The following ST3GAL6 variants were observed in gnomAD, a reference collection of about 807,000 sequenced individuals.
The protein encoded by ST3GAL6 is type 2 lactosamine alpha-2,3-sialyltransferase.
Under a neutral mutation model 40.5 loss-of-function variants are expected in ST3GAL6, and 31 were observed. The ratio of observed to expected loss-of-function variants is 0.77; its 90% CI spans 0.58 to 1.03. The LOEUF is 1.03. Among genes scored for constraint, ST3GAL6 ranks in the 50% least tolerant of loss-of-function variants. The pLI is 0.00. For missense variants in ST3GAL6, 357 were observed against 393.2 expected (o/e 0.91, Z 0.78); for synonymous variants, 129 against 136.9 (o/e 0.94, Z 0.40).
chr3:98,763,809 T>C lies in ST3GAL6; in HGVS notation c.-12+370T>C, dbSNP rs1938048106. The stretch of plus-strand genomic sequence containing the variant: ...CTAGGAAAGAGAAGAATGCAGACGT[T>C]GGAAAAGTGTGGTATAGTTTAAGCA... On this transcript the variant is annotated intron_variant, in intron 1 of 9. Coordinates refer to ENST00000483910, the MANE Select transcript of ST3GAL6 (RefSeq NM_001323368.2). Among the ~76,000 whole-genome samples the C allele has an allele frequency of 3.3e-5, 5 of 150,972 alleles. No homozygotes were observed. The South Asian group carries it at 1.0e-3, about 32-fold the overall frequency.
In ST3GAL6 at chr3:98,788,180, T is replaced by G; in HGVS notation, c.576T>G (p.His192Gln). Residue 192 changes from histidine (H) to glutamine (Q), a missense_variant, in exon 7 of 10, where the codon CAT becomes CAG. By Grantham distance (24) the His-to-Gln change is conservative. Coordinates refer to ENST00000483910, the MANE Select transcript of ST3GAL6 (RefSeq NM_001323368.2). ...TTVILTAFKP[H>Q]DLRWLLELLM... ...TGATTCTCACTGCTTTTAAGCCACA[T>G]GATTTAAGGTGGCTGTTGGAATTGT... 2 of 1,612,530 alleles carry G rather than the reference T, an allele frequency of 1.2e-6. No individual in the cohort carries two copies. The highest frequency in any genetic ancestry group is 2.2e-5 in the South Asian group (2 of 90,690).
intron 1 of ST3GAL6, among the ~76,000 whole-genome samples, chr3:98,767,142 C>G (rs1368776248): frequency 6.6e-6 from 1 of 152,192 alleles, no homozygotes; most frequent in Non-Finnish European, 1.5e-5. Flanking sequence ...GAACCAACAG[C>G]TGACAGCAAG....
At chr3:98,788,498 G>A (rs1940943038) in intron 8 of ST3GAL6, 35 bp downstream of exon 8, 1 of 1,564,630 alleles carries the variant, frequency 6.4e-7, no homozygotes, top group Non-Finnish European at 8.6e-7. Flanking sequence ...TCAAACTACA[G>A]ATCTGGCTGA....
chr3:98,768,632 G>T lies in ST3GAL6; in HGVS notation c.89+103G>T, dbSNP rs190054568. ...CTATGAAAAAAACTTGTACCATTTT[G>T]AATATTTTCTTGCTTTCCATTGTAA... is the stretch of plus-strand genomic sequence containing the variant. On this transcript the variant is annotated intron_variant, in intron 2 of 9. Transcript: ENST00000483910. The T allele has an allele frequency of 1.1e-4, 90 of 832,366 alleles. 2 individuals carry two copies. The African/African-American group carries it at 1.4e-3, about 13-fold the overall frequency. 51.6% of individuals were successfully genotyped at this position (832,366 alleles called of 1,614,324 possible).
chr3:98,739,349 G>A (rs1010881256), intron 1 of ST3GAL6, among the ~76,000 whole-genome samples: 1 of 150,908 alleles, frequency 6.6e-6, no homozygotes, highest in Non-Finnish European at 1.5e-5. Context: ...ACCAGTAGTA[G>A]ACTTGACTTG....
intron 5 of ST3GAL6, 48 bp from the exon 6 acceptor site, chr3:98,784,897 G>A: frequency 2.0e-6 from 3 of 1,468,290 alleles, no homozygotes; most frequent in Non-Finnish European, 2.8e-6. Flanking sequence ...CTTGGAATCA[G>A]TTTTGTAAAA....
chr3:98,755,342 G>A (rs1206291663), intron 1 of ST3GAL6, among the ~76,000 whole-genome samples: 3 of 152,034 alleles, frequency 2.0e-5, no homozygotes, highest in African/African-American at 4.8e-5. Flanking sequence ...CACCGCGCCC[G>A]GCCTGAACTT....
In ST3GAL6 at chr3:98,788,410, A is replaced by G. The variant is rs536572554; in HGVS notation, c.703A>G (p.Arg235Gly). 2.5e-6 allele frequency: 4 copies of G among 1,613,328 alleles called. No homozygotes were observed. Among genetic ancestry groups the G allele is most frequent in the African/African-American group, 1.3e-5 (1 of 75,006 alleles). The change falls in exon 8 of 10, where the codon AGA becomes GGA. Residue 235 changes from arginine to glycine, a missense_variant. Physicochemically the swap from Arg to Gly is moderately radical, Grantham distance 125. Coordinates refer to ENST00000483910, the MANE Select transcript of ST3GAL6 (RefSeq NM_001323368.2). ...QIRILDPFII[R>G]TAAYELLHFP... ...CCGAATATTAGATCCTTTCATTATC[A>G]GAACAGCAGCTTATGAACTGCTTCA... is the stretch of plus-strand genomic sequence containing the variant.
upstream of ST3GAL6, chr3:98,762,880 A>T (rs1021611794): frequency 1.0e-6 from 1 of 985,318 alleles, no homozygotes; most frequent in Non-Finnish European, 1.2e-6. Flanking sequence ...AAAAGGGCTT[A>T]GTACTGTGCT....
chr3:98,742,889 G>A (rs770542245), intron 1 of ST3GAL6, among the ~76,000 whole-genome samples: 101 of 151,368 alleles, frequency 6.7e-4, no homozygotes, highest in Non-Finnish European at 1.3e-3. Flanking sequence ...TAGTAGAGAC[G>A]GGGTTTGTCC....
At chr3:98,765,266 C>T (rs1343319742) in intron 1 of ST3GAL6, among the ~76,000 whole-genome samples, 2 of 152,162 alleles carry the variant, frequency 1.3e-5, no homozygotes, top group East Asian at 3.8e-4. Context: ...TTGCCTTGTG[C>T]TTTTTATCTT....
intron 1 of ST3GAL6, among the ~76,000 whole-genome samples, chr3:98,757,985 C>A (rs1937531060): frequency 6.6e-6 from 1 of 152,008 alleles, no homozygotes; most frequent in African/African-American, 2.4e-5. Context: ...TACAGGCGTG[C>A]ACCACCACGT....
At chr3:98,746,530 T>C (rs952712001) in intron 1 of ST3GAL6, among the ~76,000 whole-genome samples, 1 of 152,172 alleles carries the variant, frequency 6.6e-6, no homozygotes, top group Non-Finnish European at 1.5e-5. Context: ...GACTGGGTTG[T>C]TTTATAATGT....
At chr3:98,750,781 T>C (rs1457984041) in intron 1 of ST3GAL6, among the ~76,000 whole-genome samples, 1 of 152,158 alleles carries the variant, frequency 6.6e-6, no homozygotes, top group Non-Finnish European at 1.5e-5. Context: ...CATCCTGTAT[T>C]AGGCAGTCCA....
At chr3:98,757,758 G>A (rs1379806930) in intron 1 of ST3GAL6, among the ~76,000 whole-genome samples, 6 of 152,098 alleles carry the variant, frequency 3.9e-5, no homozygotes, top group Non-Finnish European at 8.8e-5. Context: ...GGTTGGTTTT[G>A]AGGATTAAAA....
intron 4 of ST3GAL6, among the ~76,000 whole-genome samples, chr3:98,773,693 GT>G (rs965902292): frequency 1.8e-4 from 28 of 152,032 alleles, no homozygotes; most frequent in Non-Finnish European, 3.8e-4. Context: ...TAAATGTGTT[GT>G]TTTTTGGGGA....
intron 1 of ST3GAL6, among the ~76,000 whole-genome samples, chr3:98,737,760 A>G (rs1240883006): frequency 6.6e-6 from 1 of 152,226 alleles, no homozygotes; most frequent in Admixed American, 6.5e-5. Context: ...ACATTCAATG[A>G]TATCCAAAGG....
intron 1 of ST3GAL6, among the ~76,000 whole-genome samples, chr3:98,746,291 C>T (rs1483171093): frequency 6.6e-6 from 1 of 152,152 alleles, no homozygotes; most frequent in Non-Finnish European, 1.5e-5. Flanking sequence ...AACTCCTTAG[C>T]TTGGCTATGG....
At chr3:98,766,439 GGA>G (rs2107147185) in intron 1 of ST3GAL6, among the ~76,000 whole-genome samples, 1 of 124,470 alleles carries the variant, frequency 8.0e-6, no homozygotes, top group Non-Finnish European at 1.6e-5. Context: ...TTTTTTTTTG[GGA>G]AAGGGAGTCT....
Sources: allele counts gnomAD v4.1 joint callset (sites outside exome capture counted in the v4.1 genomes callset), GRCh38; gene constraint gnomAD v4.1.1; transcripts MANE v1.5; gene names NCBI Gene and HGNC (gene_info 2026-07-23, HGNC 2026-07-21).